The following EXOC4 variants were observed in gnomAD, a reference collection of about 807,000 sequenced individuals.
EXOC4 encodes SEC8-like 1.
A neutral mutation model predicts 107.2 loss-of-function variants in EXOC4; 71 were observed. The ratio of observed to expected loss-of-function variants is 0.66; its 90% CI spans 0.55 to 0.81. EXOC4 has a LOEUF of 0.81. Among genes scored for constraint, EXOC4 ranks in the 30% least tolerant of loss-of-function variants. The probability of loss-of-function intolerance (pLI) is 0.00; values close to 1 mark genes in which losing one functional copy is unlikely to be tolerated. For missense variants in EXOC4, 1,108 were observed against 1,189.6 expected, an observed-to-expected ratio of 0.93 and a Z score of 1.01; for synonymous variants, 456 against 441.2, an observed-to-expected ratio of 1.03 and a Z score of -0.42.
intron 7 of EXOC4, among the ~76,000 whole-genome samples, chr7:133,388,695 A>G (rs956399131): frequency 7.9e-5 from 12 of 152,174 alleles, no homozygotes; most frequent in Admixed American, 6.5e-4. Context: ...ATCATCAAAT[A>G]TCCAGTCAGT....
intron 9 of EXOC4, chr7:133,576,634 A>G (rs1185479209): frequency 1.6e-6 from 2 of 1,289,680 alleles, no homozygotes; most frequent in Non-Finnish European, 2.0e-6. Context: ...CTATTGCTAA[A>G]TGTGATCTCA....
At chr7:133,785,547 A>G (rs1033418506) in intron 10 of EXOC4, among the ~76,000 whole-genome samples, 4 of 152,212 alleles carry the variant, frequency 2.6e-5, no homozygotes, top group Non-Finnish European at 5.9e-5. Flanking sequence ...TTCACTAAGC[A>G]CATACTTACT....
intron 5 of EXOC4, among the ~76,000 whole-genome samples, chr7:133,333,569 A>G (rs1795442545): frequency 6.6e-6 from 1 of 152,224 alleles, no homozygotes; most frequent in African/African-American, 2.4e-5. Context: ...ATGCTTATGT[A>G]TATTACATGT....
intron 7 of EXOC4, among the ~76,000 whole-genome samples, chr7:133,461,909 C>T (rs7785217): frequency 0.48 from 73,278 of 151,862 alleles, 18,067 homozygotes; most frequent in East Asian, 0.6. Flanking sequence ...TAAATGAAAT[C>T]CTTGAGAGAT....
intron 10 of EXOC4, among the ~76,000 whole-genome samples, chr7:133,728,390 A>T (rs1795259734): frequency 6.6e-6 from 1 of 152,190 alleles, no homozygotes; most frequent in South Asian, 2.1e-4. Context: ...TTGTCACATA[A>T]TGTTTACTGT....
intron 9 of EXOC4, among the ~76,000 whole-genome samples, chr7:133,559,403 TTAATC>T (rs1251795133): frequency 7.9e-5 from 12 of 152,212 alleles, no homozygotes; most frequent in African/African-American, 2.9e-4. Context: ...ATCTAGGCCT[TTAATC>T]TATATAGAAT....
chr7:133,440,012 A>G (rs1584919134), intron 7 of EXOC4, among the ~76,000 whole-genome samples: 1 of 152,168 alleles, frequency 6.6e-6, no homozygotes, highest in South Asian at 2.1e-4. Flanking sequence ...TTAATTCAAT[A>G]TATTCATTTA....
chr7:133,820,482 C>G (rs1186184746), intron 11 of EXOC4, among the ~76,000 whole-genome samples: 3 of 151,928 alleles, frequency 2.0e-5, no homozygotes, highest in African/African-American at 4.8e-5. Flanking sequence ...TTATTCCCAG[C>G]TAATTGTAGG....
At chr7:133,550,364 G>C (rs1197791944) in intron 9 of EXOC4, among the ~76,000 whole-genome samples, 1 of 151,992 alleles carries the variant, frequency 6.6e-6, no homozygotes, top group Non-Finnish European at 1.5e-5. Context: ...TAAATATCAG[G>C]CCCTGTTTAG....
chr7:133,872,845 A>G (rs1798777054), intron 11 of EXOC4, among the ~76,000 whole-genome samples: 1 of 152,240 alleles, frequency 6.6e-6, no homozygotes, highest in Non-Finnish European at 1.5e-5. Flanking sequence ...TTTATATTTT[A>G]AGAAATGCAT....
At chr7:133,289,488 C>T (rs1584782093) in intron 3 of EXOC4, among the ~76,000 whole-genome samples, 1 of 152,300 alleles carries the variant, frequency 6.6e-6, no homozygotes, top group East Asian at 1.9e-4. Context: ...TAGTGTTCCA[C>T]ACATTTTTTG....
intron 10 of EXOC4, among the ~76,000 whole-genome samples, chr7:133,759,415 A>G (rs1166371395): frequency 6.6e-6 from 1 of 152,220 alleles, no homozygotes; most frequent in African/African-American, 2.4e-5. Context: ...TGATGTTTTA[A>G]AATAGTACAT....
At chr7:133,444,191 G>A (rs531204571) in intron 7 of EXOC4, among the ~76,000 whole-genome samples, 6 of 152,270 alleles carry the variant, frequency 3.9e-5, no homozygotes, top group African/African-American at 1.2e-4. Context: ...AGGAATTTCA[G>A]TCCAAAGGGG....
At chr7:133,964,900 G>A (rs1801027936) in intron 14 of EXOC4, among the ~76,000 whole-genome samples, 1 of 152,102 alleles carries the variant, frequency 6.6e-6, no homozygotes, top group African/African-American at 2.4e-5. Flanking sequence ...GTGAGGAATC[G>A]CCACACTGTC....
intron 10 of EXOC4, among the ~76,000 whole-genome samples, chr7:133,764,079 A>G (rs181646602): frequency 1.2e-4 from 19 of 152,146 alleles, no homozygotes; most frequent in Admixed American, 7.2e-4. Context: ...TCACTCCCTT[A>G]TAGGTTAGTT....
chr7:133,321,690 G>A (rs1272793590), intron 5 of EXOC4, among the ~76,000 whole-genome samples: 1 of 152,142 alleles, frequency 6.6e-6, no homozygotes, highest in Non-Finnish European at 1.5e-5. Flanking sequence ...AAACATACAT[G>A]TGCATGTGCT....
At chr7:133,956,117 A>G (rs1207821981) in intron 14 of EXOC4, among the ~76,000 whole-genome samples, 4 of 152,136 alleles carry the variant, frequency 2.6e-5, no homozygotes, top group Non-Finnish European at 5.9e-5. Context: ...TGCTTTAGAC[A>G]CTATTGTCTC....
the EXOC4 span, among the ~76,000 whole-genome samples, chr7:134,083,718 C>T: frequency 2.0e-5 from 3 of 152,282 alleles, no homozygotes; most frequent in East Asian, 5.8e-4. Flanking sequence ...GTGACCAGTC[C>T]TTTTAAATTG....
intron 14 of EXOC4, among the ~76,000 whole-genome samples, chr7:133,958,020 G>T (rs1273949802): frequency 1.3e-5 from 2 of 152,190 alleles, no homozygotes; most frequent in African/African-American, 4.8e-5. Flanking sequence ...GTGCTGCATG[G>T]GGCCTCGTGA....
Sources: gnomAD v4.1 joint callset for allele counts (sites outside exome capture counted in the v4.1 genomes callset) on GRCh38, gnomAD v4.1.1 for gene constraint, MANE v1.5 for transcripts, NCBI Gene and HGNC (gene_info 2026-07-23, HGNC 2026-07-21) for gene names.